The following SLC4A4 variants were observed in gnomAD, a reference collection of about 807,000 sequenced individuals.
The protein encoded by SLC4A4 is solute carrier family 4 member 4.
Under a neutral mutation model 111.5 loss-of-function variants are expected in SLC4A4, and 27 were observed. That is an observed-to-expected ratio of 0.24 (90% CI 0.18 to 0.33). The LOEUF is 0.33. Among genes scored for constraint, SLC4A4 ranks in the 10% least tolerant of loss-of-function variants. SLC4A4 has a pLI of 1.00. For missense variants in SLC4A4, 909 were observed against 1,315.5 expected, an observed-to-expected ratio of 0.69 and a Z score of 4.78; for synonymous variants, 443 against 463.4, an observed-to-expected ratio of 0.96 and a Z score of 0.57.
chr4:71,235,941 G>C (rs2149037126), intron 1 of SLC4A4: 1 of 632,698 alleles, frequency 1.6e-6, no homozygotes, highest in Non-Finnish European at 2.0e-6. Flanking sequence ...AAGCCGGGTT[G>C]CTGGATAATC....
intron 2 of SLC4A4, among the ~76,000 whole-genome samples, chr4:71,143,952 T>G (rs1000984091): frequency 5.3e-5 from 8 of 152,208 alleles, no homozygotes; most frequent in African/African-American, 1.9e-4. Context: ...TGAGTTTAAT[T>G]AGATCCCATT....
intron 2 of SLC4A4, among the ~76,000 whole-genome samples, chr4:71,148,346 C>T (rs891834040): frequency 1.3e-5 from 2 of 152,156 alleles, no homozygotes; most frequent in African/African-American, 4.8e-5. Context: ...CTGGGTCTGT[C>T]TAAAAAGAAA....
intron 2 of SLC4A4, among the ~76,000 whole-genome samples, chr4:71,176,921 G>C (rs151125902): frequency 0.074 from 11,227 of 152,196 alleles, 454 homozygotes; most frequent in Middle Eastern, 0.12. Flanking sequence ...TTAAGGGCAG[G>C]CAGAGAGAAA....
At chr4:71,143,037 T>C (rs1454906295) in intron 2 of SLC4A4, among the ~76,000 whole-genome samples, 1 of 152,072 alleles carries the variant, frequency 6.6e-6, no homozygotes, top group African/African-American at 2.4e-5. Context: ...CATGTTGGTG[T>C]GCTGCACCCA....
chr4:71,231,755 G>C (rs189530990), intron 1 of SLC4A4, among the ~76,000 whole-genome samples: 6 of 152,176 alleles, frequency 3.9e-5, no homozygotes, highest in African/African-American at 1.4e-4. Flanking sequence ...TGTTTTCAGC[G>C]AATGCAGGTT....
At chr4:71,444,744 T>G (rs1417439726) in intron 8 of SLC4A4, among the ~76,000 whole-genome samples, 2 of 152,204 alleles carry the variant, frequency 1.3e-5, no homozygotes, top group African/African-American at 4.8e-5. Context: ...CTTGTTGGAT[T>G]GTTTTGTGTT....
At chr4:71,506,514 G>C (rs1357979990) in intron 16 of SLC4A4, among the ~76,000 whole-genome samples, 1 of 152,176 alleles carries the variant, frequency 6.6e-6, no homozygotes, top group Non-Finnish European at 1.5e-5. Context: ...TTAAAGTAAT[G>C]CTAGTGAGTT....
At position 71,349,966 on chromosome 4, in the gene SLC4A4, C is replaced by T. The variant is rs750149385; in HGVS notation, c.444C>T (p.Pro148=). The T allele has an allele frequency of 1.9e-6, 3 of 1,614,026 alleles. No individual in the cohort carries two copies. The highest frequency in any genetic ancestry group is 1.1e-5 in the South Asian group (1 of 91,072). The change falls in exon 5 of 26, where the codon CCC becomes CCT. Residue 148 remains proline (P), a synonymous_variant. Transcript: ENST00000264485. Reference sequence around the variant, plus strand: ...AGGGTGGGGAAAGATGGAGCAAGCCCCATGTGGCCACATTGTCCCTTCATA... The same window carrying T: ...AGGGTGGGGAAAGATGGAGCAAGCCTCATGTGGCCACATTGTCCCTTCATA... ...VEQGGERWSK[P]HVATLSLHSL... is the part of the protein sequence containing the mutation.
chr4:71,460,154 A>G (rs937730855), intron 12 of SLC4A4, among the ~76,000 whole-genome samples: 1 of 151,898 alleles, frequency 6.6e-6, no homozygotes, highest in East Asian at 1.9e-4. Context: ...TATAGATCTT[A>G]ATTTTTGTGT....
intron 1 of SLC4A4, among the ~76,000 whole-genome samples, chr4:71,225,511 A>C (rs1313739519): frequency 6.6e-6 from 1 of 152,190 alleles, no homozygotes; most frequent in Non-Finnish European, 1.5e-5. Context: ...TGCTTAGCAC[A>C]CTGACTGACA....
At chr4:71,091,912 T>G (rs1185081379) in intron 1 of SLC4A4, among the ~76,000 whole-genome samples, 3 of 152,332 alleles carry the variant, frequency 2.0e-5, no homozygotes, top group East Asian at 3.9e-4. Context: ...TCCTGCATAT[T>G]AAATCTTTGA....
intron 2 of SLC4A4, among the ~76,000 whole-genome samples, chr4:71,157,312 A>G (rs992097067): frequency 2.6e-5 from 4 of 152,214 alleles, no homozygotes; most frequent in Non-Finnish European, 4.4e-5. Context: ...AACTATCAGA[A>G]TAATGTTATT....
At position 71,538,125 on chromosome 4, in the gene SLC4A4, G is replaced by T. The variant is rs140543352; in HGVS notation, c.2442+3737G>T. On this transcript the variant is annotated intron_variant, in intron 18 of 25. Transcript: ENST00000264485. The stretch of plus-strand genomic sequence containing the variant: ...AATATTTTTATTCTGAAAAAAATTT[G>T]TTAACAAATTCTTAATTATGATCTA... 2.6e-4 allele frequency among the ~76,000 whole-genome samples: 39 copies of T among 152,092 alleles called. 1 individual carries two copies. In the East Asian group the frequency reaches 7.2e-3, roughly 28 times the overall value.
chr4:71,325,128 G>A (rs1031970584), intron 3 of SLC4A4, among the ~76,000 whole-genome samples: 1 of 151,828 alleles, frequency 6.6e-6, no homozygotes, highest in African/African-American at 2.4e-5. Flanking sequence ...CTTGTCTATA[G>A]CTTGCTAACA....
intron 2 of SLC4A4, among the ~76,000 whole-genome samples, chr4:71,142,915 G>T (rs1331367815): frequency 6.6e-6 from 1 of 151,844 alleles, no homozygotes. Flanking sequence ...CACTTTATGT[G>T]AAGTACCTGG....
intron 1 of SLC4A4, among the ~76,000 whole-genome samples, chr4:71,215,984 A>G (rs1223770767): frequency 7.0e-6 from 1 of 143,422 alleles, no homozygotes; most frequent in African/African-American, 2.6e-5. Flanking sequence ...GGCTAATTGC[A>G]TCTTCCGCCC....
chr4:71,079,409 C>A (rs1741930814), intron 1 of SLC4A4, among the ~76,000 whole-genome samples: 1 of 152,138 alleles, frequency 6.6e-6, no homozygotes, highest in South Asian at 2.1e-4. Context: ...CATTCAAAAT[C>A]CTAGTCAGAA....
At chr4:71,439,079 G>A (rs1341726136) in intron 7 of SLC4A4, among the ~76,000 whole-genome samples, 1 of 150,516 alleles carries the variant, frequency 6.6e-6, no homozygotes, top group Non-Finnish European at 1.5e-5. Flanking sequence ...TTTTTTGATA[G>A]CAACATTTCT....
chr4:71,551,478 C>G (rs1056754877), intron 20 of SLC4A4, among the ~76,000 whole-genome samples: 11 of 151,788 alleles, frequency 7.2e-5, no homozygotes, highest in Admixed American at 2.0e-4. Context: ...GGGCTCAACA[C>G]AGATTTTTAA....
Sources: gnomAD v4.1 joint callset for allele counts (sites outside exome capture counted in the v4.1 genomes callset) on GRCh38, gnomAD v4.1.1 for gene constraint, MANE v1.5 for transcripts, NCBI Gene and HGNC (gene_info 2026-07-23, HGNC 2026-07-21) for gene names.